The following GPHN variants were observed in gnomAD, a reference collection of about 807,000 sequenced individuals.
The protein encoded by GPHN is gephyrin.
In GPHN, 17 loss-of-function variants were observed where a neutral mutation model predicts 95.5. The observed-to-expected ratio is 0.18, with a 90% CI of 0.12 to 0.27. The LOEUF is 0.27. Ranked by LOEUF, GPHN falls within the 10% of genes least tolerant of loss-of-function variation. The probability of loss-of-function intolerance (pLI) is 1.00; values close to 1 mark genes in which losing one functional copy is unlikely to be tolerated. For missense variants in GPHN, 660 were observed against 978.1 expected (o/e 0.67, Z 4.34); for synonymous variants, 320 against 322.5 (o/e 0.99, Z 0.08).
chr14:66,799,385 G>T (rs2060267016), intron 3 of GPHN, among the ~76,000 whole-genome samples: 1 of 151,878 alleles, frequency 6.6e-6, no homozygotes. Context: ...CTTCCTGGAA[G>T]ATCTTTCCAA....
chr14:66,734,520 C>T (rs563833582), intron 2 of GPHN, among the ~76,000 whole-genome samples: 1 of 152,278 alleles, frequency 6.6e-6, no homozygotes, highest in East Asian at 1.9e-4. Context: ...CTAAAGTGAC[C>T]TCAAGTTATT....
At chr14:67,136,896 A>G (rs1595327650) in intron 17 of GPHN, among the ~76,000 whole-genome samples, 2 of 152,110 alleles carry the variant, frequency 1.3e-5, no homozygotes, top group African/African-American at 2.4e-5. Flanking sequence ...TAGTATTAGA[A>G]TTATTTTTGG....
intron 19 of GPHN, among the ~76,000 whole-genome samples, chr14:67,162,916 A>G (rs1025352914): frequency 3.9e-5 from 6 of 152,218 alleles, no homozygotes; most frequent in African/African-American, 1.4e-4. Context: ...TCTGAATCTC[A>G]GTTTCCATAT....
chr14:66,828,827 CTTCT>C (rs904453183), intron 4 of GPHN, among the ~76,000 whole-genome samples: 34 of 149,890 alleles, frequency 2.3e-4, no homozygotes, highest in African/African-American at 8.6e-4. Context: ...TAAAGTTTAT[CTTCT>C]TTATTATATA....
chr14:67,177,758 G>A (rs949540853), intron 21 of GPHN, among the ~76,000 whole-genome samples: 1 of 152,118 alleles, frequency 6.6e-6, no homozygotes, highest in East Asian at 1.9e-4. Context: ...GAATCTGGGG[G>A]CTCCTGTATT....
At chr14:67,395,322 C>A in the GPHN span, 2 of 1,260,396 alleles carry the variant, frequency 1.6e-6, no homozygotes, top group South Asian at 2.6e-5. Flanking sequence ...AGCACAGAGC[C>A]CCCCCAAGGG....
chr14:66,703,448 A>C (rs1595613181), intron 2 of GPHN, among the ~76,000 whole-genome samples: 2 of 152,322 alleles, frequency 1.3e-5, no homozygotes, highest in East Asian at 3.9e-4. Flanking sequence ...CGTAACTCTC[A>C]GCAGAAACCC....
the GPHN span, among the ~76,000 whole-genome samples, chr14:67,234,165 A>G: frequency 6.6e-6 from 1 of 152,250 alleles, no homozygotes; most frequent in Admixed American, 6.5e-5. Context: ...GCTGAATTTC[A>G]GAGAAATTAA....
At chr14:67,315,614 A>G in the GPHN span, among the ~76,000 whole-genome samples, 2 of 152,322 alleles carry the variant, frequency 1.3e-5, no homozygotes, top group South Asian at 4.1e-4. Context: ...TCCTTCTAGT[A>G]ATAGTTACTT....
At chr14:67,182,052 G>A (rs1403775407), downstream of GPHN, among the ~76,000 whole-genome samples, 1 of 152,052 alleles carries the variant, frequency 6.6e-6, no homozygotes, top group Non-Finnish European at 1.5e-5. Context: ...AGTCATAGCT[G>A]GAGAATAGCA....
the GPHN span, among the ~76,000 whole-genome samples, chr14:67,391,406 A>G: frequency 6.6e-6 from 1 of 151,356 alleles, no homozygotes; most frequent in Admixed American, 6.6e-5. Context: ...ACCCTCCTCA[A>G]GCTCCCCTAG....
chr14:67,394,041 C>T, the GPHN span, among the ~76,000 whole-genome samples: 1 of 152,172 alleles, frequency 6.6e-6, no homozygotes, highest in Non-Finnish European at 1.5e-5. Flanking sequence ...TTTCTCCTGC[C>T]TCTCAGCTCC....
the GPHN span, chr14:67,395,415 G>T: frequency 1.2e-6 from 2 of 1,613,698 alleles, no homozygotes; most frequent in South Asian, 2.2e-5. Context: ...AGGCTGATGT[G>T]CGGGGGCAGC....
the GPHN span, chr14:67,659,835 G>A: frequency 6.2e-7 from 1 of 1,614,198 alleles, no homozygotes; most frequent in South Asian, 1.1e-5. Context: ...AGTTTAGCAA[G>A]GTCCTTCCGG....
intron 21 of GPHN, among the ~76,000 whole-genome samples, chr14:67,169,992 C>T (rs557560356): frequency 5.9e-5 from 9 of 152,214 alleles, no homozygotes; most frequent in Admixed American, 5.9e-4. Flanking sequence ...GCAGGAGAAT[C>T]GCTTGAACCC....
chr14:67,455,346 T>G, the GPHN span, among the ~76,000 whole-genome samples: 1 of 152,168 alleles, frequency 6.6e-6, no homozygotes, highest in Admixed American at 6.5e-5. Flanking sequence ...CCCCTCTGTC[T>G]GCAGTATTCT....
intron 5 of GPHN, among the ~76,000 whole-genome samples, chr14:66,902,466 A>G (rs958256158): frequency 2.0e-5 from 3 of 151,834 alleles, no homozygotes; most frequent in African/African-American, 7.3e-5. Flanking sequence ...AAGGCGTTCA[A>G]TTTTTTTCCT....
chr14:66,942,406 C>G (rs576819585), intron 8 of GPHN, among the ~76,000 whole-genome samples: 1 of 152,144 alleles, frequency 6.6e-6, no homozygotes, highest in South Asian at 2.1e-4. Context: ...GTCACTATCT[C>G]CAAAGTTATT....
chr14:67,032,919 C>T (rs1310426142), intron 10 of GPHN, among the ~76,000 whole-genome samples: 2 of 151,784 alleles, frequency 1.3e-5, no homozygotes, highest in Non-Finnish European at 2.9e-5. Context: ...TATCTAGAAA[C>T]CAACCTCAAA....
Sources: allele counts gnomAD v4.1 joint callset (sites outside exome capture counted in the v4.1 genomes callset), GRCh38; gene constraint gnomAD v4.1.1; transcripts MANE v1.5; gene names NCBI Gene and HGNC (gene_info 2026-07-23, HGNC 2026-07-21).